Variants in ZSCAN25 observed in about 807,000 individuals in gnomAD.
The protein encoded by ZSCAN25 is zinc finger and SCAN domain containing 25.
A neutral mutation model predicts 38.7 loss-of-function variants in ZSCAN25; 27 were observed. That is an observed-to-expected ratio of 0.70 (90% CI 0.51 to 0.96). The LOEUF is 0.96. ZSCAN25 is among the 40% of genes least tolerant of loss of function. ZSCAN25 has a pLI of 0.00. For missense variants in ZSCAN25, 637 were observed against 705.9 expected (o/e 0.90, Z 1.11); for synonymous variants, 273 against 277.7 (o/e 0.98, Z 0.17).
chr7:99,636,345 A>C (rs1373248689), downstream of ZSCAN25, among the ~76,000 whole-genome samples: 1 of 152,232 alleles, frequency 6.6e-6, no homozygotes, highest in Non-Finnish European at 1.5e-5. Context: ...TGCATCTTGA[A>C]ATCAAAAATC....
the ZSCAN25 span, chr7:99,663,005 A>G: frequency 6.7e-7 from 1 of 1,483,246 alleles, no homozygotes; most frequent in East Asian, 2.5e-5. Context: ...TGGCTTCTTG[A>G]AGACGTGTTA....
chr7:99,660,936 A>T, the ZSCAN25 span, among the ~76,000 whole-genome samples: 2 of 152,194 alleles, frequency 1.3e-5, no homozygotes, highest in African/African-American at 4.8e-5. Context: ...ATTTCCAGAG[A>T]GAGCATTTCT....
chr7:99,677,967 C>G, the ZSCAN25 span, among the ~76,000 whole-genome samples: 1 of 152,234 alleles, frequency 6.6e-6, no homozygotes. Flanking sequence ...TGGGCGAACT[C>G]TTTAGTTTCT....
downstream of ZSCAN25, among the ~76,000 whole-genome samples, chr7:99,634,929 G>A (rs1051810919): frequency 2.0e-5 from 3 of 152,122 alleles, no homozygotes; most frequent in African/African-American, 7.2e-5. Flanking sequence ...GTGACAGAGC[G>A]AGACTCTGTC....
the ZSCAN25 span, among the ~76,000 whole-genome samples, chr7:99,694,759 C>T: frequency 1.1e-5 from 1 of 92,610 alleles, no homozygotes; most frequent in African/African-American, 1.4e-4. Flanking sequence ...ATCTAAGCCA[C>T]AGAGCTGACT....
the ZSCAN25 span, among the ~76,000 whole-genome samples, chr7:99,700,632 C>G: frequency 2.4e-4 from 37 of 152,300 alleles, no homozygotes; most frequent in South Asian, 5.6e-3. Context: ...CCTATTTCCT[C>G]TCTACCACCC....
chr7:99,705,656 C>T, the ZSCAN25 span: 1 of 1,588,896 alleles, frequency 6.3e-7, no homozygotes, highest in Non-Finnish European at 8.6e-7. Flanking sequence ...GAAAGTATAG[C>T]ATCAAAGTAA....
At chr7:99,671,286 C>T in the ZSCAN25 span, 2 of 152,552 alleles carry the variant, frequency 1.3e-5, no homozygotes, top group African/African-American at 4.8e-5. Context: ...CACTTACAAG[C>T]TTATTCTGAA....
the ZSCAN25 span, among the ~76,000 whole-genome samples, chr7:99,702,200 C>A: frequency 1.3e-5 from 2 of 151,856 alleles, no homozygotes; most frequent in Non-Finnish European, 2.9e-5. Context: ...AGTGATTCTC[C>A]CACCTCAGCC....
At chr7:99,666,772 A>G in the ZSCAN25 span, 2 of 1,606,074 alleles carry the variant, frequency 1.2e-6, no homozygotes, top group African/African-American at 1.3e-5. Flanking sequence ...AGCATGGAGC[A>G]GTAAGTGACA....
chr7:99,639,382 C>G, the ZSCAN25 span, among the ~76,000 whole-genome samples: 1 of 152,150 alleles, frequency 6.6e-6, no homozygotes, highest in Non-Finnish European at 1.5e-5. Flanking sequence ...TATTGTCAAG[C>G]AGAGTCAAGA....
At chr7:99,681,742 C>T in the ZSCAN25 span, among the ~76,000 whole-genome samples, 9 of 152,140 alleles carry the variant, frequency 5.9e-5, no homozygotes, top group Non-Finnish European at 1.2e-4. Flanking sequence ...AAAATATTTT[C>T]TCCCATTCTG....
At chr7:99,710,223 A>G in the ZSCAN25 span, among the ~76,000 whole-genome samples, 1 of 152,176 alleles carries the variant, frequency 6.6e-6, no homozygotes, top group Non-Finnish European at 1.5e-5. Flanking sequence ...TTGAAAGGCA[A>G]TATTATAGAG....
chr7:99,722,226 A>G, the ZSCAN25 span: 86 of 1,595,690 alleles, frequency 5.4e-5, no homozygotes, highest in East Asian at 6.5e-4. Flanking sequence ...GGCTGAGACT[A>G]TCCTCTGTGC....
In ZSCAN25 at chr7:99,631,183, G is replaced by A; in HGVS notation, c.*1163G>A. 3.0e-6 allele frequency: 3 copies of A among 985,346 alleles called. No homozygotes were observed. The highest frequency in any genetic ancestry group is 3.6e-6 in the Non-Finnish European group (3 of 829,928). 61.0% of individuals were successfully genotyped at this position (985,346 alleles called of 1,614,324 possible). A position where few individuals can be genotyped will look rare whatever the true frequency, so the allele number is the denominator to read the frequency against. On this transcript the variant is annotated 3_prime_UTR_variant, in exon 8 of 8. Transcript: ENST00000394152. The stretch of plus-strand genomic sequence containing the variant: ...GTATTCATTGCTTTGTCAGCATCTT[G>A]CCCTGAAATGCATTTGTCACCTACC...
chr7:99,634,008 G>A (rs768725022), downstream of ZSCAN25, among the ~76,000 whole-genome samples: 1 of 152,208 alleles, frequency 6.6e-6, no homozygotes, highest in African/African-American at 2.4e-5. Flanking sequence ...CAGGTCAAAC[G>A]GGTATTTGGT....
the ZSCAN25 span, chr7:99,676,211 A>G: frequency 6.2e-7 from 1 of 1,613,448 alleles, no homozygotes; most frequent in Non-Finnish European, 8.5e-7. Flanking sequence ...TCCCATATCT[A>G]CAAAGTGAAA....
At chr7:99,734,021 T>C in the ZSCAN25 span, among the ~76,000 whole-genome samples, 1 of 152,190 alleles carries the variant, frequency 6.6e-6, no homozygotes, top group African/African-American at 2.4e-5. Flanking sequence ...AATACTGAAC[T>C]AATAGCCCTC....
At chr7:99,625,449 G>A (rs751696942) in intron 7 of ZSCAN25, among the ~76,000 whole-genome samples, 1 of 152,212 alleles carries the variant, frequency 6.6e-6, no homozygotes, top group Non-Finnish European at 1.5e-5. Flanking sequence ...AAGAGGCCAT[G>A]TGCATGTAAT....
Sources: gnomAD v4.1 joint callset for allele counts (sites outside exome capture counted in the v4.1 genomes callset) on GRCh38, gnomAD v4.1.1 for gene constraint, MANE v1.5 for transcripts, NCBI Gene and HGNC (gene_info 2026-07-23, HGNC 2026-07-21) for gene names.